KDM4B: variants seen among roughly 807,000 people sequenced by gnomAD.
KDM4B encodes the protein lysine demethylase 4B.
In KDM4B, 32 loss-of-function variants were observed where a neutral mutation model predicts 125.2. The ratio of observed to expected loss-of-function variants is 0.26; its 90% CI spans 0.19 to 0.34. The LOEUF is 0.34. Among genes scored for constraint, KDM4B ranks in the 10% least tolerant of loss-of-function variants. The pLI is 1.00. For synonymous variants in KDM4B, 721 were observed against 677.9 expected, an observed-to-expected ratio of 1.06 and a Z score of -0.99; for missense variants, 1,190 against 1,577.7, an observed-to-expected ratio of 0.75 and a Z score of 4.16.
chr19:5,116,073 A>G (rs944876450), intron 10 of KDM4B, among the ~76,000 whole-genome samples: 3 of 152,080 alleles, frequency 2.0e-5, no homozygotes, highest in African/African-American at 7.2e-5. Context: ...AAAGGCCCTG[A>G]AAGCTTCCAG....
intron 9 of KDM4B, among the ~76,000 whole-genome samples, chr19:5,109,643 A>G (rs2039101628): frequency 6.6e-6 from 1 of 152,054 alleles, no homozygotes; most frequent in Non-Finnish European, 1.5e-5. Flanking sequence ...TGGCACGTTA[A>G]TGTCCTTTCT....
At chr19:5,092,119 G>A (rs964178454) in intron 9 of KDM4B, among the ~76,000 whole-genome samples, 2 of 152,326 alleles carry the variant, frequency 1.3e-5, no homozygotes, top group Non-Finnish European at 2.9e-5. Context: ...GCTGGCTCTT[G>A]GCCTAGTGTT....
chr19:5,085,734 C>T (rs912336340), intron 9 of KDM4B, among the ~76,000 whole-genome samples: 2 of 152,182 alleles, frequency 1.3e-5, no homozygotes, highest in Non-Finnish European at 2.9e-5. Context: ...GCCTGGGCGG[C>T]GAGGGCCTTA....
intron 6 of KDM4B, among the ~76,000 whole-genome samples, chr19:5,058,871 G>A (rs920998664): frequency 1.3e-5 from 2 of 152,264 alleles, no homozygotes; most frequent in Non-Finnish European, 2.9e-5. Context: ...GCTGTGGCAT[G>A]CCAGGCGAGT....
At chr19:5,054,584 CT>C (rs892583197) in intron 6 of KDM4B, among the ~76,000 whole-genome samples, 26 of 152,330 alleles carry the variant, frequency 1.7e-4, no homozygotes, top group African/African-American at 6.3e-4. Context: ...GTCTGGCCCC[CT>C]GGGACTCTGC....
At chr19:5,145,976 C>G (rs1040141202) in intron 21 of KDM4B, among the ~76,000 whole-genome samples, 1 of 152,222 alleles carries the variant, frequency 6.6e-6, no homozygotes, top group Non-Finnish European at 1.5e-5. Flanking sequence ...CCCGCATCTC[C>G]CGCCAGACCT....
At chr19:5,032,784 C>T (rs765818397) in intron 2 of KDM4B, 82 bp from the exon 3 acceptor site, 96 of 1,333,386 alleles carry the variant, frequency 7.2e-5, no homozygotes, top group South Asian at 1.8e-4. Context: ...ATTTTTAGCA[C>T]GCTCCGTTCT....
intron 1 of KDM4B, among the ~76,000 whole-genome samples, chr19:4,990,365 G>A (rs1253909047): frequency 1.3e-5 from 2 of 152,196 alleles, no homozygotes; most frequent in Non-Finnish European, 2.9e-5. Context: ...CTTAGAAAGG[G>A]AGACACTTGT....
chr19:5,048,309 T>TGC (rs986294471), intron 6 of KDM4B, among the ~76,000 whole-genome samples: 28 of 152,288 alleles, frequency 1.8e-4, no homozygotes, highest in African/African-American at 6.7e-4. Flanking sequence ...TGTGCACGTG[T>TGC]GCGCGCGCAT....
At chr19:5,018,439 G>A (rs1436585199) in intron 2 of KDM4B, among the ~76,000 whole-genome samples, 2 of 152,188 alleles carry the variant, frequency 1.3e-5, no homozygotes, top group African/African-American at 2.4e-5. Flanking sequence ...CAGGAGTAAG[G>A]GAGCAGGGCT....
At chr19:5,053,568 C>T (rs1475713934) in intron 6 of KDM4B, among the ~76,000 whole-genome samples, 1 of 152,210 alleles carries the variant, frequency 6.6e-6, no homozygotes, top group African/African-American at 2.4e-5. Context: ...AGCACTTCCT[C>T]CCTGGCTCAC....
intron 1 of KDM4B, among the ~76,000 whole-genome samples, chr19:4,983,209 G>T (rs2034708423): frequency 6.7e-6 from 1 of 148,834 alleles, no homozygotes; most frequent in Non-Finnish European, 1.5e-5. Flanking sequence ...CTACGTGGTT[G>T]ATCATTTGGG....
chr19:5,073,341 G>T (rs1363525568), intron 7 of KDM4B, among the ~76,000 whole-genome samples: 4 of 152,288 alleles, frequency 2.6e-5, no homozygotes, highest in African/African-American at 9.6e-5. Flanking sequence ...CCACAGGGCA[G>T]GGGATGCAGG....
At chr19:5,040,088 A>T in intron 4 of KDM4B, 77 bp downstream of exon 4, 2 of 1,447,760 alleles carry the variant, frequency 1.4e-6, no homozygotes, top group Non-Finnish European at 1.9e-6. Flanking sequence ...GGGGGCAGAG[A>T]AGGTGCGGTA....
chr19:5,126,143 C>T (rs1267293066), intron 11 of KDM4B, among the ~76,000 whole-genome samples: 1 of 152,150 alleles, frequency 6.6e-6, no homozygotes, highest in East Asian at 1.9e-4. Context: ...GGGGCCAGAA[C>T]CTGTTGCTCA....
intron 1 of KDM4B, among the ~76,000 whole-genome samples, chr19:5,003,192 T>TA (rs978324772): frequency 2.0e-5 from 3 of 152,132 alleles, no homozygotes; most frequent in Admixed American, 2.0e-4. Context: ...CTCCATTGAT[T>TA]AAAAAAATCC....
chr19:5,121,575 A>G (rs1457365236), intron 11 of KDM4B, among the ~76,000 whole-genome samples: 7 of 152,194 alleles, frequency 4.6e-5, no homozygotes, highest in African/African-American at 1.7e-4. Flanking sequence ...ATGGCTCCCA[A>G]AGATGCCCCT....
chr19:5,060,433 CAAAAAAAAAA>C lies in KDM4B; in HGVS notation c.627-10556_627-10547del, dbSNP rs901472663. On this transcript the variant is annotated intron_variant, in intron 6 of 22. Transcript: ENST00000159111. ...GGGTGACGGAGGAAGACTCTGTCTCCAAAAAAAAAAAAAAAAAAAAAAAAAAAAAAGGGAG... is the reference window on the plus strand; with the variant it reads ...GGGTGACGGAGGAAGACTCTGTCTCCAAAAAAAAAAAAAAAAAAAAGGGAG... Among the ~76,000 whole-genome samples the C allele has an allele frequency of 7.0e-4, 23 of 32,978 alleles. 1 individual carries two copies. The highest frequency in any genetic ancestry group is 1.7e-3 in the African/African-American group (21 of 12,270). 21.6% of individuals were successfully genotyped at this position (32,978 alleles called of 152,430 possible). A position where few individuals can be genotyped will look rare whatever the true frequency, so the allele number is the denominator to read the frequency against.
chr19:5,011,694 C>T (rs181095055), intron 1 of KDM4B, among the ~76,000 whole-genome samples: 55 of 152,352 alleles, frequency 3.6e-4, no homozygotes, highest in African/African-American at 1.3e-3. Flanking sequence ...TTTTTGGACC[C>T]GTGCTCAGAC....
Sources: gnomAD v4.1 joint callset for allele counts (sites outside exome capture counted in the v4.1 genomes callset) on GRCh38, gnomAD v4.1.1 for gene constraint, MANE v1.5 for transcripts, NCBI Gene and HGNC (gene_info 2026-07-23, HGNC 2026-07-21) for gene names.